Variants in METTL16 observed in about 807,000 individuals in gnomAD.
METTL16 encodes RNA N(6)-adenosine-methyltransferase METTL16.
Under a neutral mutation model 57.9 loss-of-function variants are expected in METTL16, and 19 were observed. The observed-to-expected ratio is 0.33, with a 90% confidence interval of 0.23 to 0.48. The LOEUF (loss-of-function observed/expected upper bound fraction) is 0.48. Among genes scored for constraint, METTL16 ranks in the 20% least tolerant of loss-of-function variants. METTL16 has a pLI of 0.99. For missense variants in METTL16, 434 were observed against 691.5 expected, an observed-to-expected ratio of 0.63 and a Z score of 4.18; for synonymous variants, 246 against 255.6, an observed-to-expected ratio of 0.96 and a Z score of 0.36.
chr17:2,416,783 CG>C lies in METTL16; in HGVS notation c.*3186del, dbSNP rs2066719926. 6.6e-6 allele frequency: 1 copy of C among 152,054 alleles called. No individual in the cohort carries two copies. The highest frequency in any genetic ancestry group is 2.4e-5 in the African/African-American group (1 of 41,366). 9.4% of individuals were successfully genotyped at this position (152,054 alleles called of 1,614,324 possible). On this transcript the variant is annotated 3_prime_UTR_variant, in exon 10 of 10. Transcript: ENST00000263092. ...CAACATGAATGTGACCTCTGGACAC[CG>C]GGAGAGTAACACTCAAGGTTATGAC...
Position 2,491,939 on chromosome 17 carries a change from C to T in METTL16, c.128+10265G>A, listed in dbSNP as rs1448041189. On this transcript the variant is annotated intron_variant, in intron 2 of 9. Coordinates refer to ENST00000263092, the MANE Select transcript of METTL16 (RefSeq NM_024086.4). ...AAATAAAAACAAATAGGGCTGGGCG[C>T]GGTGGCTCACGCCTGTAACCCCAGC... 1.3e-5 allele frequency among the ~76,000 whole-genome samples: 2 copies of T among 149,394 alleles called. 1 individual carries two copies. The highest frequency in any genetic ancestry group is 4.2e-4 in the South Asian group (2 of 4,718).
At chr17:2,448,802 TAAAAAAAA>T (rs71150866) in intron 6 of METTL16, among the ~76,000 whole-genome samples, 10 of 43,642 alleles carry the variant, frequency 2.3e-4, no homozygotes, top group Non-Finnish European at 3.2e-4. Context: ...AAATAAAATT[TAAAAAAAA>T]AAAAAAAAAA....
chr17:2,470,982 T>C (rs1192206080), intron 4 of METTL16, among the ~76,000 whole-genome samples: 1 of 152,172 alleles, frequency 6.6e-6, no homozygotes. Flanking sequence ...ACAAAGCTAC[T>C]GTAATCAAAA....
intron 6 of METTL16, chr17:2,459,893 C>T (rs1301924665): frequency 1.3e-5 from 2 of 152,166 alleles, no homozygotes; most frequent in African/African-American, 2.4e-5. Context: ...CCCAGCTACT[C>T]TCGAGGCGGA....
intron 2 of METTL16, among the ~76,000 whole-genome samples, chr17:2,497,290 G>A (rs890248751): frequency 5.8e-5 from 8 of 138,104 alleles, no homozygotes; most frequent in African/African-American, 1.4e-4. Flanking sequence ...ACAGGCGTGC[G>A]CCACTGCACC....
intron 5 of METTL16, among the ~76,000 whole-genome samples, chr17:2,465,584 T>C (rs2067187994): frequency 7.0e-6 from 1 of 141,922 alleles, no homozygotes; most frequent in Non-Finnish European, 1.5e-5. Flanking sequence ...CAGATCAGGC[T>C]GGGCATGGTG....
intron 8 of METTL16, among the ~76,000 whole-genome samples, chr17:2,424,718 G>A (rs1375583356): frequency 6.6e-6 from 1 of 152,078 alleles, no homozygotes; most frequent in African/African-American, 2.4e-5. Context: ...GGAGGCTGAG[G>A]TGGGTGGATC....
intron 2 of METTL16, 36 bp from the exon 3 acceptor site, chr17:2,477,921 T>C (rs2067278896): frequency 1.9e-6 from 3 of 1,550,102 alleles, no homozygotes; most frequent in African/African-American, 2.7e-5. Context: ...AACTGATTAG[T>C]AAGATTCACT....
chr17:2,509,878 A>C (rs1173138484), intron 1 of METTL16, among the ~76,000 whole-genome samples: 1 of 151,090 alleles, frequency 6.6e-6, no homozygotes, highest in Non-Finnish European at 1.5e-5. Context: ...ACGCCACTGC[A>C]CTCCAGCCTG....
At chr17:2,426,452 C>T (rs929300267) in intron 8 of METTL16, among the ~76,000 whole-genome samples, 3 of 152,030 alleles carry the variant, frequency 2.0e-5, no homozygotes, top group Admixed American at 6.6e-5. Flanking sequence ...AAATAGCAGC[C>T]GGGTGCCATG....
chr17:2,446,382 A>C (rs1021759027), intron 6 of METTL16, among the ~76,000 whole-genome samples: 1 of 152,226 alleles, frequency 6.6e-6, no homozygotes, highest in African/African-American at 2.4e-5. Flanking sequence ...CCTTTACATC[A>C]CAGAAGACAT....
chr17:2,495,743 T>C (rs2067440536), intron 2 of METTL16, among the ~76,000 whole-genome samples: 1 of 147,664 alleles, frequency 6.8e-6, no homozygotes, highest in Non-Finnish European at 1.5e-5. Context: ...CATAGGTGAG[T>C]CTGACGGGCT....
Position 2,463,130 on chromosome 17 carries a change from G to A in METTL16, c.728+1078C>T, listed in dbSNP as rs58005498. On this transcript the variant is annotated intron_variant, in intron 6 of 9. Transcript: ENST00000263092. The stretch of plus-strand genomic sequence containing the variant: ...AGTGATCTCAGTTTCCCTTCATTAA[G>A]TTCTTGACAGCTCAATGTCCTCACA... 6.2e-3 allele frequency among the ~76,000 whole-genome samples: 941 copies of A among 152,294 alleles called. 9 individuals are homozygous for A. Among genetic ancestry groups the A allele is most frequent in the African/African-American group, 0.021 (888 of 41,564 alleles).
intron 8 of METTL16, among the ~76,000 whole-genome samples, chr17:2,434,286 C>T (rs1424151091): frequency 6.6e-6 from 1 of 152,252 alleles, no homozygotes; most frequent in South Asian, 2.1e-4. Flanking sequence ...GTAACCTCCG[C>T]CCACTGTAAC....
chr17:2,481,461 G>A (rs546641197), intron 2 of METTL16, among the ~76,000 whole-genome samples: 1 of 152,244 alleles, frequency 6.6e-6, no homozygotes, highest in South Asian at 2.1e-4. Context: ...AAGGGATACA[G>A]CAAGCAAGAC....
At chr17:2,448,740 T>TAA (rs1417532304) in intron 6 of METTL16, among the ~76,000 whole-genome samples, 1 of 30,894 alleles carries the variant, frequency 3.2e-5, no homozygotes, top group African/African-American at 1.9e-4. Context: ...GAATGATCAA[T>TAA]AAAAAAAAAA....
chr17:2,507,355 C>A (rs2151582371), intron 1 of METTL16, among the ~76,000 whole-genome samples: 1 of 148,074 alleles, frequency 6.8e-6, no homozygotes, highest in African/African-American at 2.5e-5. Flanking sequence ...CCCAGCCAGC[C>A]ACCCCGTCCG....
rs768278759 is a variant in METTL16, at chr17:2,420,421, G to A, written c.1238C>T (p.Pro413Leu). 2 of 1,613,944 alleles carry A rather than the reference G, an allele frequency of 1.2e-6. No individual in the cohort carries two copies. The highest frequency in any genetic ancestry group is 2.7e-5 in the African/African-American group (2 of 74,940). ...TTCTTGGCTATTGCCAGACTCTTTG[G>A]GGGTGGGCTTTTTCTCTTCCAAGGC... Reference protein sequence around the residue: ...IQALEEKKPTPKESGNSQELA... With the variant: ...IQALEEKKPTLKESGNSQELA... The change falls in exon 10 of 10, where the codon CCC (proline) becomes CTC (leucine). Residue 413 changes from proline to leucine, a missense_variant. Pro to Leu is a moderately conservative substitution (Grantham distance 98). Around this residue, in one of 5 missense-constraint regions of METTL16, gnomAD observed 168 missense variants for 149.6 expected, o/e 1.12. Transcript: ENST00000263092. The surrounding 1 kb of genome is among the most constrained non-coding windows in gnomAD (Gnocchi z 5.4).
chr17:2,441,496 T>TA lies in METTL16; in HGVS notation c.791dup (p.Gln265ThrfsTer10). ...AGTAATGAGGAAGCCTCACCCCTTG[T>TA]ATGCGAAGCTCCTCCTTCAGAGGCG... is the stretch of plus-strand genomic sequence containing the variant. On this transcript the variant is annotated frameshift_variant, in exon 7 of 10. Transcript: ENST00000263092. LOFTEE classifies it high-confidence loss of function. 1.9e-6 allele frequency: 3 copies of TA among 1,596,070 alleles called. No homozygotes were observed. Among genetic ancestry groups the TA allele is most frequent in the Non-Finnish European group, 2.6e-6 (3 of 1,169,742 alleles).
Sources: allele counts gnomAD v4.1 joint callset (sites outside exome capture counted in the v4.1 genomes callset), GRCh38; gene constraint gnomAD v4.1.1; regional missense constraint gnomAD v4.1.1; non-coding constraint Gnocchi (gnomAD v3.1); transcripts MANE v1.5; gene names NCBI Gene and HGNC (gene_info 2026-07-23, HGNC 2026-07-21).